The following HERC2 variants were observed in gnomAD, a reference collection of about 807,000 sequenced individuals.
HERC2 encodes the protein HECT and RLD domain containing E3 ubiquitin protein ligase 2.
A neutral mutation model predicts 537.7 loss-of-function variants in HERC2; 102 were observed. That is an observed-to-expected ratio of 0.19 (90% confidence interval 0.16 to 0.22). The LOEUF (loss-of-function observed/expected upper bound fraction) is 0.22, where lower values mean the gene tolerates loss of function less well. HERC2 is among the 10% of genes least tolerant of loss of function. HERC2 has a pLI of 1.00. For synonymous variants in HERC2, 2,224 were observed against 2,466.2 expected, an observed-to-expected ratio of 0.90 and a Z score of 2.91; for missense variants, 4,236 against 6,198.2, an observed-to-expected ratio of 0.68 and a Z score of 10.63.
intron 86 of HERC2, among the ~76,000 whole-genome samples, chr15:28,120,785 G>A (rs1036104086): frequency 2.6e-5 from 4 of 152,140 alleles, no homozygotes; most frequent in African/African-American, 4.8e-5. Context: ...TAACAAAAGG[G>A]GTGACCGAAG....
At chr15:28,236,127 C>T (rs772528112) in intron 26 of HERC2, among the ~76,000 whole-genome samples, 4 of 151,852 alleles carry the variant, frequency 2.6e-5, no homozygotes, top group Non-Finnish European at 5.9e-5. Context: ...GGCTGCAATA[C>T]GTGAGACCAC....
chr15:28,210,833 G>A (rs1899125064), intron 44 of HERC2, among the ~76,000 whole-genome samples, 169 bp downstream of exon 44: 1 of 152,104 alleles, frequency 6.6e-6, no homozygotes, highest in South Asian at 2.1e-4. Context: ...TGTCTTATAA[G>A]ATGACGATGA....
intron 5 of HERC2, among the ~76,000 whole-genome samples, chr15:28,276,965 C>T (rs2075890409): frequency 6.6e-6 from 1 of 152,044 alleles, no homozygotes; most frequent in Admixed American, 6.5e-5. Context: ...GTCCCAGCTA[C>T]TCAGGAAGCT....
At chr15:28,187,445 C>A (rs573637389) in intron 55 of HERC2, among the ~76,000 whole-genome samples, 1 of 152,018 alleles carries the variant, frequency 6.6e-6, no homozygotes, top group Non-Finnish European at 1.5e-5. Context: ...GATTCTCCAA[C>A]CTCAGCCTCC....
At chr15:28,252,080 T>A (rs2140863769) in intron 20 of HERC2, among the ~76,000 whole-genome samples, 1 of 152,322 alleles carries the variant, frequency 6.6e-6, no homozygotes, top group South Asian at 2.1e-4. Context: ...CATACTTAAG[T>A]GCTTCCTAAT....
intron 2 of HERC2, among the ~76,000 whole-genome samples, 174 bp downstream of exon 2, chr15:28,321,188 C>G (rs1253040791): frequency 6.6e-6 from 1 of 152,120 alleles, no homozygotes; most frequent in Non-Finnish European, 1.5e-5. Flanking sequence ...CGCGCACGAT[C>G]TACAAAAACA....
chr15:28,124,633 G>C (rs956378503), intron 84 of HERC2, among the ~76,000 whole-genome samples: 21 of 152,344 alleles, frequency 1.4e-4, no homozygotes, highest in African/African-American at 5.1e-4. Flanking sequence ...AATCACTGCA[G>C]CTTGGACCTT....
chr15:28,263,932 T>C (rs773250481), intron 14 of HERC2, among the ~76,000 whole-genome samples: 2 of 150,476 alleles, frequency 1.3e-5, no homozygotes, highest in Admixed American at 6.6e-5. Context: ...GGCATGAGAA[T>C]TGCTTGACCC....
At chr15:28,289,297 G>GA (rs1293896299) in intron 4 of HERC2, among the ~76,000 whole-genome samples, 3 of 152,040 alleles carry the variant, frequency 2.0e-5, no homozygotes, top group Admixed American at 6.6e-5. Context: ...CAGAAGAAAG[G>GA]AGAGTAGTCA....
rs760609887 is a variant in HERC2 at position 28,272,208 on chromosome 15, C to T, written c.1083+7G>A. 3.2e-6 allele frequency: 5 copies of T among 1,582,028 alleles called. No homozygotes were observed. In the African/African-American group the frequency reaches 5.4e-5, roughly 17 times the overall value. ...ACCTAAACACAAAGTTCCATCATGACACTCACGTGCATGTCGCCCTCGGAG... is the reference window on the plus strand; with the variant it reads ...ACCTAAACACAAAGTTCCATCATGATACTCACGTGCATGTCGCCCTCGGAG... On this transcript the variant is annotated splice_region_variant and intron_variant, in intron 9 of 92. Coordinates refer to ENST00000261609, the MANE Select transcript of HERC2 (RefSeq NM_004667.6).
At chr15:28,124,962 C>T (rs1435697112) in intron 84 of HERC2, 44 bp downstream of exon 84, 1 of 1,548,164 alleles carries the variant, frequency 6.5e-7, no homozygotes, top group South Asian at 1.2e-5. Flanking sequence ...GTGACAGGAG[C>T]ACACTTTGCT....
Position 28,179,536 on chromosome 15 carries a change from T to C in HERC2, c.8938-313A>G, listed in dbSNP as rs901030275. Among the ~76,000 whole-genome samples the C allele has an allele frequency of 2.0e-5, 3 of 152,274 alleles. No individual in the cohort carries two copies. The East Asian group carries it at 5.8e-4, about 29-fold the overall frequency. ...ATCAACAATCCCTAATACCTCACCA[T>C]GATAACAGACTACTGCTACTGGGCT... On this transcript the variant is annotated intron_variant, in intron 57 of 92. Coordinates refer to ENST00000261609, the MANE Select transcript of HERC2 (RefSeq NM_004667.6).
chr15:28,316,301 T>G (rs1468019440), intron 2 of HERC2, among the ~76,000 whole-genome samples: 2 of 149,750 alleles, frequency 1.3e-5, no homozygotes, highest in Non-Finnish European at 3.0e-5. Flanking sequence ...TTTTAATAAC[T>G]AGTATTACTA....
At chr15:28,157,950 T>C (rs1330460846) in intron 69 of HERC2, among the ~76,000 whole-genome samples, 1 of 152,216 alleles carries the variant, frequency 6.6e-6, no homozygotes, top group Non-Finnish European at 1.5e-5. Flanking sequence ...GTCTTTGTTC[T>C]CGTTGGTTTC....
intron 88 of HERC2, 28 bp downstream of exon 88, chr15:28,116,635 GAC>G (rs1439333880): frequency 3.2e-6 from 5 of 1,579,216 alleles, no homozygotes; most frequent in Non-Finnish European, 4.3e-6. Flanking sequence ...AGGCCACAGC[GAC>G]ACAGTCTCAA....
chr15:28,141,456 G>T lies in HERC2; in HGVS notation c.11991C>A (p.Leu3997=). Residue 3997 remains leucine (L), a synonymous_variant, in exon 78 of 93, where the codon CTC becomes CTA. Coordinates refer to ENST00000261609, the MANE Select transcript of HERC2 (RefSeq NM_004667.6). ...CCTTCCCATCAGCCGTCACAGCAAA[G>T]AGGGTCTGTTCCCCTCCGATTAACT... ...PVQLIGGEQT[L]FAVTADGKLY... The T allele has an allele frequency of 6.2e-7, 1 of 1,614,138 alleles. No homozygotes were observed. Among genetic ancestry groups the T allele is most frequent in the East Asian group, 2.2e-5 (1 of 44,882 alleles).
At chr15:28,147,386 C>T (rs59237367) in intron 70 of HERC2, among the ~76,000 whole-genome samples, 2,165 of 152,240 alleles carry the variant, frequency 0.014, 14 homozygotes, top group African/African-American at 0.048. Context: ...CTTAGCACTT[C>T]GGGAGGCCGA....
At chr15:28,280,854 G>A (rs568788572) in intron 4 of HERC2, among the ~76,000 whole-genome samples, 6 of 152,140 alleles carry the variant, frequency 3.9e-5, no homozygotes, top group African/African-American at 1.2e-4. Flanking sequence ...AGGTTGCAGT[G>A]AGCTGAGATT....
In HERC2 at chr15:28,265,123, C is replaced by T. The variant is rs147259778; in HGVS notation, c.1870+495G>A. 1.4e-4 allele frequency among the ~76,000 whole-genome samples: 21 copies of T among 152,164 alleles called. No homozygotes were observed. Among genetic ancestry groups the T allele is most frequent in the Non-Finnish European group, 2.1e-4 (14 of 68,016 alleles). Reference sequence around the variant, plus strand: ...GACAGACCACCACAATACTGAAAGACGAGTCATTTCTAAAATATTAACATG... The same window carrying T: ...GACAGACCACCACAATACTGAAAGATGAGTCATTTCTAAAATATTAACATG... On this transcript the variant is annotated intron_variant, in intron 14 of 92. Coordinates refer to ENST00000261609, the MANE Select transcript of HERC2 (RefSeq NM_004667.6). This position sits in a 1 kb window ranked among gnomAD's most constrained non-coding sequence, Gnocchi z 4.0.
Sources: gnomAD v4.1 joint callset for allele counts (sites outside exome capture counted in the v4.1 genomes callset) on GRCh38, gnomAD v4.1.1 for gene constraint, Gnocchi (gnomAD v3.1) non-coding constraint, MANE v1.5 for transcripts, NCBI Gene and HGNC (gene_info 2026-07-23, HGNC 2026-07-21) for gene names.